PRKD1: variants seen among roughly 807,000 people sequenced by gnomAD.
PRKD1 encodes the protein protein kinase D1, also known as serine/threonine-protein kinase D1.
PRKD1 carries 63 observed loss-of-function variants against 95.9 expected under a neutral mutation model. The observed-to-expected ratio is 0.66, with a 90% CI of 0.54 to 0.81. The LOEUF is 0.81. PRKD1 is among the 30% of genes least tolerant of loss of function. The probability of loss-of-function intolerance (pLI) is 0.00; values close to 1 mark genes in which losing one functional copy is unlikely to be tolerated. For missense variants in PRKD1, 1,048 were observed against 1,165.3 expected, an observed-to-expected ratio of 0.90 and a Z score of 1.47; for synonymous variants, 425 against 423.1, an observed-to-expected ratio of 1.00 and a Z score of -0.05.
chr14:29,870,884 C>G (rs1259301942), intron 1 of PRKD1, among the ~76,000 whole-genome samples: 2 of 152,152 alleles, frequency 1.3e-5, no homozygotes, highest in African/African-American at 4.8e-5. Context: ...ATTGAATCAT[C>G]ACAGACTTCT....
intron 13 of PRKD1, among the ~76,000 whole-genome samples, chr14:29,609,017 T>G (rs568222578): frequency 2.0e-5 from 3 of 152,182 alleles, no homozygotes; most frequent in Admixed American, 6.5e-5. Context: ...AATAGAACAA[T>G]CCACCCTCTT....
intron 1 of PRKD1, among the ~76,000 whole-genome samples, chr14:29,855,674 C>T (rs1220429780): frequency 6.6e-6 from 1 of 152,170 alleles, no homozygotes; most frequent in Admixed American, 6.5e-5. Context: ...TCCCACCCAA[C>T]TCTCATCTTG....
Position 29,835,831 on chromosome 14 carries a change from A to T in PRKD1, c.264+91418T>A, listed in dbSNP as rs181820289. ...TGATCCTCCCGCCTCAGCCTCCCAA[A>T]GTGCTGGGATTACAGGCGTGAGCCA... On this transcript the variant is annotated intron_variant, in intron 1 of 17. Transcript: ENST00000331968. 1.2e-4 allele frequency among the ~76,000 whole-genome samples: 19 copies of T among 152,100 alleles called. No individual in the cohort carries two copies. The East Asian group carries it at 3.7e-3, about 30-fold the overall frequency.
At chr14:29,791,831 T>G (rs1458509099) in intron 1 of PRKD1, among the ~76,000 whole-genome samples, 1 of 152,156 alleles carries the variant, frequency 6.6e-6, no homozygotes, top group Non-Finnish European at 1.5e-5. Flanking sequence ...GTATGGTAAA[T>G]TTCTCTTAAG....
At chr14:29,636,616 T>C in intron 6 of PRKD1, 122 bp from the exon 7 acceptor site, 1 of 882,870 alleles carries the variant, frequency 1.1e-6, no homozygotes, top group Non-Finnish European at 1.7e-6. Context: ...CTGTGATGAG[T>C]TTATTTTTTA....
At chr14:29,646,067 T>C (rs1881103004) in intron 4 of PRKD1, among the ~76,000 whole-genome samples, 1 of 152,164 alleles carries the variant, frequency 6.6e-6, no homozygotes, top group Non-Finnish European at 1.5e-5. Context: ...CAAAGAATAA[T>C]TGCTGATATA....
chr14:29,699,133 T>C (rs1488644676), intron 2 of PRKD1, among the ~76,000 whole-genome samples: 1 of 152,220 alleles, frequency 6.6e-6, no homozygotes, highest in Non-Finnish European at 1.5e-5. Context: ...GTTGCTAATA[T>C]CCTTATAAGA....
chr14:29,599,070 T>G lies in PRKD1; in HGVS notation c.2123A>C (p.Lys708Thr). 1 of 1,613,880 alleles carries G rather than the reference T, an allele frequency of 6.2e-7. No homozygotes were observed. The highest frequency in any genetic ancestry group is 8.5e-7 in the Non-Finnish European group (1 of 1,179,836). Residue 708 changes from lysine to threonine, a missense_variant, in exon 15 of 18, where the codon AAA (lysine) becomes ACA (threonine). Around this residue, in one of 3 missense-constraint regions of PRKD1, gnomAD observed 739 missense variants for 861.9 expected, o/e 0.86. Coordinates refer to ENST00000331968, the MANE Select transcript of PRKD1 (RefSeq NM_002742.3). ...HFKNIVHCDL[K>T]PENVLLASAD... ...TGAGGCTAGCAACACATTTTCTGGT[T>G]TGAGGTCACAGTGAACGATATTTTT...
intron 16 of PRKD1, among the ~76,000 whole-genome samples, chr14:29,590,490 G>C (rs375696884): frequency 6.6e-6 from 1 of 152,060 alleles, no homozygotes; most frequent in South Asian, 2.1e-4. Flanking sequence ...TTATGAACTC[G>C]GTGGATGTGA....
intron 1 of PRKD1, among the ~76,000 whole-genome samples, chr14:29,807,931 A>T (rs1890305500): frequency 6.6e-6 from 1 of 152,064 alleles, no homozygotes; most frequent in Non-Finnish European, 1.5e-5. Context: ...CATGTTAACC[A>T]GGCTGGTCTC....
chr14:29,634,298 C>T, intron 8 of PRKD1, 120 bp downstream of exon 8: 1 of 1,446,570 alleles, frequency 6.9e-7, no homozygotes, highest in Non-Finnish European at 9.6e-7. Context: ...AATCCCGTGT[C>T]ATGCCTGTGC....
chr14:29,842,389 G>A (rs1372872306), intron 1 of PRKD1, among the ~76,000 whole-genome samples: 1 of 152,196 alleles, frequency 6.6e-6, no homozygotes, highest in Non-Finnish European at 1.5e-5. Context: ...TCAAATACAT[G>A]AGTAATGTGT....
intron 16 of PRKD1, among the ~76,000 whole-genome samples, chr14:29,596,853 CT>C (rs927276060): frequency 2.6e-5 from 4 of 152,098 alleles, no homozygotes; most frequent in African/African-American, 9.7e-5. Flanking sequence ...TTTAAACAAT[CT>C]TTTGTCCTTT....
chr14:29,908,336 G>A (rs368599330), intron 1 of PRKD1, among the ~76,000 whole-genome samples: 8 of 152,034 alleles, frequency 5.3e-5, no homozygotes, highest in East Asian at 3.9e-4. Flanking sequence ...TCACACTGTC[G>A]CCAGGGATGG....
intron 1 of PRKD1, among the ~76,000 whole-genome samples, chr14:29,892,511 T>C (rs573756412): frequency 1.3e-5 from 2 of 151,650 alleles, no homozygotes; most frequent in African/African-American, 4.8e-5. Flanking sequence ...TGTTGACAGA[T>C]CTCACAATAA....
chr14:29,782,499 T>G (rs1889091160), intron 1 of PRKD1, among the ~76,000 whole-genome samples: 1 of 152,200 alleles, frequency 6.6e-6, no homozygotes, highest in Non-Finnish European at 1.5e-5. Context: ...AAATGTTTAT[T>G]CTAATGTAAT....
chr14:29,668,302 G>A (rs1189663314), intron 2 of PRKD1, among the ~76,000 whole-genome samples: 2 of 152,088 alleles, frequency 1.3e-5, no homozygotes, highest in Non-Finnish European at 2.9e-5. Context: ...GAATCAAAAT[G>A]GACAGATAAG....
chr14:29,866,753 A>G (rs143725151), intron 1 of PRKD1, among the ~76,000 whole-genome samples: 294 of 152,336 alleles, frequency 1.9e-3, no homozygotes, highest in Non-Finnish European at 3.8e-3. Flanking sequence ...GGATTTACAA[A>G]GAAGAATGTG....
At chr14:29,649,101 G>A (rs145621264) in intron 4 of PRKD1, among the ~76,000 whole-genome samples, 34 of 152,332 alleles carry the variant, frequency 2.2e-4, no homozygotes, top group Admixed American at 7.2e-4. Flanking sequence ...TTGGGTCCCA[G>A]TGGGGGTCCT....
Sources: allele counts gnomAD v4.1 joint callset (sites outside exome capture counted in the v4.1 genomes callset), GRCh38; gene constraint gnomAD v4.1.1; regional missense constraint gnomAD v4.1.1; transcripts MANE v1.5; gene names NCBI Gene and HGNC (gene_info 2026-07-23, HGNC 2026-07-21).